Variants in OCLN observed in about 807,000 individuals in gnomAD.
OCLN encodes phosphatase 1, regulatory subunit 115.
OCLN carries 21 observed loss-of-function variants against 47.9 expected under a neutral mutation model. That is an observed-to-expected ratio of 0.44 (90% CI 0.31 to 0.63). The LOEUF is 0.63. OCLN is among the 30% of genes least tolerant of loss of function. The pLI is 0.08. For missense variants in OCLN, 360 were observed against 571.0 expected (o/e 0.63, Z 3.77); for synonymous variants, 117 against 198.4 (o/e 0.59, Z 3.45).
chr5:69,498,080 C>T (rs1169882245), intron 1 of OCLN, among the ~76,000 whole-genome samples: 3 of 151,334 alleles, frequency 2.0e-5, no homozygotes, highest in South Asian at 2.1e-4. Context: ...TGCAGTGAGC[C>T]GAGATCCCGC....
intron 2 of OCLN, among the ~76,000 whole-genome samples, chr5:69,507,749 G>A (rs1768648602): frequency 6.6e-6 from 1 of 151,940 alleles, no homozygotes; most frequent in South Asian, 2.1e-4. Context: ...GGGATTACAA[G>A]CACACACCAC....
intron 4 of OCLN, among the ~76,000 whole-genome samples, chr5:69,524,935 C>T (rs1245744063): frequency 6.6e-6 from 1 of 152,042 alleles, no homozygotes; most frequent in Non-Finnish European, 1.5e-5. Context: ...GATCCACCTG[C>T]CTTGGCCTCC....
intron 4 of OCLN, among the ~76,000 whole-genome samples, chr5:69,521,241 C>T (rs1769130714): frequency 1.3e-5 from 2 of 152,188 alleles, no homozygotes; most frequent in African/African-American, 4.8e-5. Context: ...GTTTTGTGAA[C>T]ATCTTTCCAA....
In OCLN at chr5:69,509,729, T is replaced by A. The variant is rs1295603624; in HGVS notation, c.639T>A (p.Tyr213Ter). The change falls in exon 3 of 9, where the codon TAT becomes TAA. Residue 213 changes from tyrosine (Y) to a stop codon, truncating the protein, a stop_gained. Coordinates refer to ENST00000396442, the MANE Select transcript of OCLN (RefSeq NM_001205254.2). LOFTEE classifies it high-confidence loss of function. Reference sequence around the variant, plus strand: ...GATCTCTATATGGTTCACAAATATATGCCCTCTGCAACCAATTTTATACAC... The same window carrying A: ...GATCTCTATATGGTTCACAAATATAAGCCCTCTGCAACCAATTTTATACAC... Reference protein sequence around the residue: ...SSGSLYGSQIYALCNQFYTPA... With the variant: ...SSGSLYGSQI 1 of 1,614,146 alleles carries A rather than the reference T, an allele frequency of 6.2e-7. No homozygotes were observed. Among genetic ancestry groups the A allele is most frequent in the Non-Finnish European group, 8.5e-7 (1 of 1,179,956 alleles).
chr5:69,534,590 T>G, intron 4 of OCLN, 104 bp from the exon 5 acceptor site: 3 of 367,612 alleles, frequency 8.2e-6, no homozygotes, highest in Non-Finnish European at 9.3e-6. Flanking sequence ...TAGTATTTAA[T>G]GGGCCACATA....
chr5:69,513,955 C>T lies in OCLN; in HGVS notation c.737C>T (p.Ala246Val), dbSNP rs199655841. The T allele has an allele frequency of 1.2e-5, 20 of 1,613,138 alleles. No individual in the cohort carries two copies. Among genetic ancestry groups the T allele is most frequent in the Non-Finnish European group, 1.6e-5 (19 of 1,179,282 alleles). ...YCVVDPQEAI[A>V]IVLGFMIIVA... ...TTTTCCACTCCTTTTTAGGCCATTGCCATTGTACTGGGGTTCATGATTATT... is the reference window on the plus strand; with the variant it reads ...TTTTCCACTCCTTTTTAGGCCATTGTCATTGTACTGGGGTTCATGATTATT... The change falls in exon 4 of 9, where the codon GCC becomes GTC. Residue 246 changes from alanine (A) to valine (V), a missense_variant. Ala to Val is a moderately conservative substitution (Grantham distance 64). Coordinates refer to ENST00000396442, the MANE Select transcript of OCLN (RefSeq NM_001205254.2).
At chr5:69,537,122 C>T (rs1234311410) in intron 5 of OCLN, among the ~76,000 whole-genome samples, 2 of 150,606 alleles carry the variant, frequency 1.3e-5, no homozygotes, top group African/African-American at 2.5e-5. Context: ...AAAAGAAAAG[C>T]CAAAAATCCC....
At chr5:69,533,956 G>A (rs1424052044) in intron 4 of OCLN, among the ~76,000 whole-genome samples, 4 of 152,238 alleles carry the variant, frequency 2.6e-5, no homozygotes, top group East Asian at 3.9e-4. Flanking sequence ...CACCGCGCCC[G>A]GCCTATTAAG....
chr5:69,498,899 G>A (rs1226148333), intron 1 of OCLN, among the ~76,000 whole-genome samples: 6 of 152,082 alleles, frequency 3.9e-5, no homozygotes, highest in East Asian at 3.9e-4. Flanking sequence ...GGCTGGTCTC[G>A]AACTCCTGAC....
At chr5:69,529,416 T>A (rs1352778383) in intron 4 of OCLN, among the ~76,000 whole-genome samples, 1 of 152,228 alleles carries the variant, frequency 6.6e-6, no homozygotes, top group African/African-American at 2.4e-5. Flanking sequence ...CATAATTACC[T>A]CTTGTGAAGA....
At position 69,520,878 on chromosome 5, in the gene OCLN, C is replaced by T. The variant is rs1181207213; in HGVS notation, c.891+6769C>T. On this transcript the variant is annotated intron_variant, in intron 4 of 8. Transcript: ENST00000396442. ...GGATTTTTGTTTTGAGATGGAGTCT[C>T]GCTCTGTCACCCAGGCTGGAGTGCA... 2.0e-5 allele frequency among the ~76,000 whole-genome samples: 3 copies of T among 151,656 alleles called. No individual in the cohort carries two copies. The East Asian group carries it at 5.8e-4, about 30-fold the overall frequency.
At position 69,554,295 on chromosome 5, in the gene OCLN, A is replaced by G. The variant is rs1203326617; in HGVS notation, c.*624A>G. On this transcript the variant is annotated 3_prime_UTR_variant, in exon 9 of 9. Transcript: ENST00000396442. Reference sequence around the variant, plus strand: ...AGGTTTTTCTTAAATAATAAAGATCATGTAAAAGTAACAAATGTGTGAAAT... The same window carrying G: ...AGGTTTTTCTTAAATAATAAAGATCGTGTAAAAGTAACAAATGTGTGAAAT... 2 of 150,476 alleles carry G rather than the reference A, an allele frequency of 1.3e-5. No individual in the cohort carries two copies. The highest frequency in any genetic ancestry group is 3.0e-5 in the Non-Finnish European group (2 of 67,694). 9.3% of individuals were successfully genotyped at this position (150,476 alleles called of 1,614,324 possible).
chr5:69,521,815 A>G (rs1281767184), intron 4 of OCLN, among the ~76,000 whole-genome samples: 1 of 152,214 alleles, frequency 6.6e-6, no homozygotes, highest in Non-Finnish European at 1.5e-5. Flanking sequence ...CATTTTCAAA[A>G]TTTGGTGATT....
At chr5:69,515,877 G>A (rs1381996451) in intron 4 of OCLN, among the ~76,000 whole-genome samples, 1 of 148,964 alleles carries the variant, frequency 6.7e-6, no homozygotes, top group African/African-American at 2.5e-5. Context: ...GGGCAGAGGC[G>A]CTCCCCACAT....
At chr5:69,506,404 G>C (rs1768608649) in intron 2 of OCLN, among the ~76,000 whole-genome samples, 1 of 152,218 alleles carries the variant, frequency 6.6e-6, no homozygotes, top group South Asian at 2.1e-4. Flanking sequence ...CACCCTCCAG[G>C]AACTTGCACA....
intron 4 of OCLN, among the ~76,000 whole-genome samples, chr5:69,515,812 CCAGA>C (rs1768944827): frequency 6.6e-6 from 1 of 151,476 alleles, no homozygotes. Flanking sequence ...TCCTCACCTC[CCAGA>C]CGGGGTCGCG....
intron 4 of OCLN, among the ~76,000 whole-genome samples, chr5:69,518,857 T>C (rs1291829858): frequency 6.6e-6 from 1 of 152,162 alleles, no homozygotes; most frequent in East Asian, 1.9e-4. Context: ...AATGGCTGAT[T>C]CGGGGGGAAA....
intron 4 of OCLN, among the ~76,000 whole-genome samples, chr5:69,515,893 A>G (rs1476966081): frequency 7.2e-6 from 1 of 137,956 alleles, no homozygotes; most frequent in Non-Finnish European, 1.6e-5. Context: ...CACATCTTAG[A>G]CGATGGGCGG....
chr5:69,526,578 T>G (rs1356640119), intron 4 of OCLN, among the ~76,000 whole-genome samples: 2 of 45,486 alleles, frequency 4.4e-5, no homozygotes, highest in African/African-American at 7.9e-5. Flanking sequence ...ACTTATTGAC[T>G]CTCAGGGAAT....
Sources: allele counts gnomAD v4.1 joint callset (sites outside exome capture counted in the v4.1 genomes callset), GRCh38; gene constraint gnomAD v4.1.1; transcripts MANE v1.5; gene names NCBI Gene and HGNC (gene_info 2026-07-23, HGNC 2026-07-21).